Variants in ZAN observed in about 807,000 individuals in gnomAD.
The protein encoded by ZAN is zonadhesin (gene/pseudogene).
ZAN carries 260 observed loss-of-function variants against 286.2 expected under a neutral mutation model. That is an observed-to-expected ratio of 0.91 (90% CI 0.82 to 1.01). The LOEUF is 1.01. Among genes scored for constraint, ZAN ranks in the 50% least tolerant of loss-of-function variants. The pLI, the probability that ZAN is intolerant of heterozygous loss-of-function variation, is 0.00. For synonymous variants in ZAN, 1,368 were observed against 1,417.5 expected (o/e 0.97, Z 0.79); for missense variants, 3,410 against 3,639.2 (o/e 0.94, Z 1.62).
intron 35 of ZAN, among the ~76,000 whole-genome samples, chr7:100,781,954 A>C (rs951424173): frequency 3.3e-5 from 5 of 152,158 alleles, no homozygotes; most frequent in African/African-American, 1.2e-4. Context: ...AAAAATAACA[A>C]GACTTAATTT....
chr7:100,795,742 T>C (rs1347671536), intron 45 of ZAN, among the ~76,000 whole-genome samples: 1 of 151,470 alleles, frequency 6.6e-6, no homozygotes, highest in African/African-American at 2.4e-5. Flanking sequence ...CCGTCTCTAC[T>C]AAAAATACAA....
Position 100,793,813 on chromosome 7 carries a change from C to G in ZAN, c.7788-7C>G. ...CAGCCAGTTTCTGACCATGACTGTC[C>G]CCGCAGCCATGGAGTGTCCAGCAGG... On this transcript the variant is annotated splice_polypyrimidine_tract_variant and splice_region_variant and intron_variant, in intron 42 of 47. Coordinates refer to ENST00000613979, the MANE Select transcript of ZAN (RefSeq NM_003386.3). 1 of 1,574,612 alleles carries G rather than the reference C, an allele frequency of 6.4e-7. No homozygotes were observed. Among genetic ancestry groups the G allele is most frequent in the East Asian group, 2.2e-5 (1 of 44,448 alleles).
In ZAN at chr7:100,763,832, C is replaced by T; in HGVS notation, c.4013C>T (p.Ser1338Phe). The T allele has an allele frequency of 6.2e-7, 1 of 1,614,018 alleles. No homozygotes were observed. Among genetic ancestry groups the T allele is most frequent in the Non-Finnish European group, 8.5e-7 (1 of 1,179,888 alleles). Residue 1338 changes from serine (S) to phenylalanine (F), a missense_variant, in exon 21 of 48, where the codon TCC becomes TTC. Ser to Phe is a radical substitution (Grantham distance 155). Coordinates refer to ENST00000613979, the MANE Select transcript of ZAN (RefSeq NM_003386.3). The surrounding 1 kb of genome is among the most constrained non-coding windows in gnomAD (Gnocchi z 4.6). ...TGTCAGAAGTACCAGGTGGTGAATT[C>T]CCCGTCTTGTGATTCATCTCTGCAG... ...QECQKYQVVNSPSCDSSLQSS... is the reference protein window; with the variant it reads ...QECQKYQVVNFPSCDSSLQSS...
At position 100,795,720 on chromosome 7, in the gene ZAN, C is replaced by T. The variant is rs112683713; in HGVS notation, c.8266+384C>T. 9.1e-3 allele frequency among the ~76,000 whole-genome samples: 1,377 copies of T among 151,730 alleles called. 22 individuals carry two copies. Among genetic ancestry groups the T allele is most frequent in the African/African-American group, 0.03 (1,238 of 41,382 alleles). The stretch of plus-strand genomic sequence containing the variant: ...AGGAGATGGAGACCATTCTGGCTAA[C>T]GAAGTGAAACCCCGTCTCTACTAAA... On this transcript the variant is annotated intron_variant, in intron 45 of 47. Transcript: ENST00000613979.
In ZAN at chr7:100,795,212, G is replaced by A; in HGVS notation, c.8142G>A (p.Gln2714=). 6.2e-7 allele frequency: 1 copy of A among 1,610,130 alleles called. No individual in the cohort carries two copies. The highest frequency in any genetic ancestry group is 1.7e-5 in the Admixed American group (1 of 59,642). Residue 2714 remains glutamine, a synonymous_variant, in exon 45 of 48, where the codon CAG becomes CAA. Transcript: ENST00000613979. ...QGCFPESPCL[Q]NPCQNDGQCR... ...TCCTTGCAGAAAGCCCGTGTCTGCA[G>A]AACCCCTGTCAGAATGACGGGCAGT...
chr7:100,785,689 C>T (rs1243167788), intron 36 of ZAN, among the ~76,000 whole-genome samples: 4 of 150,394 alleles, frequency 2.7e-5, no homozygotes, highest in Non-Finnish European at 5.9e-5. Flanking sequence ...GACAGAGTCT[C>T]GCTCTGTTGC....
At position 100,790,939 on chromosome 7, in the gene ZAN, C is replaced by A. The variant is rs764423331; in HGVS notation, c.7358-3C>A. The A allele has an allele frequency of 6.2e-7, 1 of 1,608,074 alleles. No homozygotes were observed. Among genetic ancestry groups the A allele is most frequent in the Non-Finnish European group, 8.5e-7 (1 of 1,177,458 alleles). On this transcript the variant is annotated splice_region_variant and splice_polypyrimidine_tract_variant and intron_variant, in intron 39 of 47. Transcript: ENST00000613979. ...ACTTCTGGGGACCCCCTTCCTCCCG[C>A]AGTGATCTCCCTACCCAGCATGTAC...
rs1374537805 is a variant in ZAN at position 100,775,804 on chromosome 7, A to T, written c.6163A>T (p.Ile2055Phe). The T allele has an allele frequency of 1.2e-6, 2 of 1,613,686 alleles. No individual in the cohort carries two copies. The highest frequency in any genetic ancestry group is 2.7e-5 in the African/African-American group (2 of 74,900). Residue 2055 changes from isoleucine to phenylalanine, a missense_variant, in exon 33 of 48, where the codon ATT (isoleucine) becomes TTT (phenylalanine). Transcript: ENST00000613979. Reference sequence around the variant, plus strand: ...GTTTGACGGGAATCATCTCTTAGAGATTGAAATCCCCACAACCTACTATGG... The same window carrying T: ...GTTTGACGGGAATCATCTCTTAGAGTTTGAAATCCCCACAACCTACTATGG... Reference protein sequence around the residue: ...VKFDGNHLLEIEIPTTYYGKV... With the variant: ...VKFDGNHLLEFEIPTTYYGKV...
chr7:100,785,404 A>T (rs969437033), intron 36 of ZAN, among the ~76,000 whole-genome samples: 1 of 149,938 alleles, frequency 6.7e-6, no homozygotes, highest in African/African-American at 2.5e-5. Context: ...CTAATTTTTG[A>T]ATTTTTAGTA....
rs372448229 is a variant in ZAN at position 100,775,647 on chromosome 7, C to A, written c.6028-22C>A. Reference sequence around the variant, plus strand: ...GGACTCTTGTCCCTGCTCCTACTCACCGTCACTGTCCTCCTGTTTAGATCA... The same window carrying A: ...GGACTCTTGTCCCTGCTCCTACTCAACGTCACTGTCCTCCTGTTTAGATCA... On this transcript the variant is annotated intron_variant, in intron 32 of 47. Coordinates refer to ENST00000613979, the MANE Select transcript of ZAN (RefSeq NM_003386.3). 6.3e-5 allele frequency: 101 copies of A among 1,613,016 alleles called. No individual in the cohort carries two copies. In the African/African-American group the frequency reaches 1.2e-3, roughly 19 times the overall value.
At position 100,767,886 on chromosome 7, in the gene ZAN, TA is replaced by T. The variant is rs764242691; in HGVS notation, c.4918del (p.Arg1640GlyfsTer27). On this transcript the variant is annotated frameshift_variant, in exon 26 of 48. Transcript: ENST00000613979. LOFTEE classifies it high-confidence loss of function. ...PVWLAQGRVTIRLSSNLVLLY... is the reference protein window; with the variant it reads ...PVWLAQGRVTXRLSSNLVLLY... ...TGGCTTGCACAAGGCCGGGTGACCA[TA>T]AGGCTCAGCAGCAACCTCGTCCTCC... 3.1e-6 allele frequency: 5 copies of T among 1,613,826 alleles called. No individual in the cohort carries two copies. In the African/African-American group the frequency reaches 6.7e-5, roughly 22 times the overall value.
chr7:100,736,941 G>T lies in ZAN; in HGVS notation c.386G>T (p.Gly129Val). 6.7e-7 allele frequency: 1 copy of T among 1,502,142 alleles called. No homozygotes were observed. Among genetic ancestry groups the T allele is most frequent in the South Asian group, 1.2e-5 (1 of 86,174 alleles). The allele number at this position is 1,502,142 out of a possible 1,614,324, so 93.1% of individuals were successfully genotyped here. ...CACCACATGTTCGGGCTGTCTTGGG[G>T]CGCCCAGCTCAGGCTGCTGCTGCTC... The part of the protein sequence containing the change: ...FAHHMFGLSW[G>V]AQLRLLLLSG... Residue 129 changes from glycine (G) to valine (V), a missense_variant, in exon 5 of 48, where the codon GGC (glycine) becomes GTC (valine). This residue lies in a region of ZAN where 872 missense variants were observed against 938.9 expected (regional missense o/e 0.93). Coordinates refer to ENST00000613979, the MANE Select transcript of ZAN (RefSeq NM_003386.3).
intron 17 of ZAN, 116 bp from the exon 18 acceptor site, chr7:100,759,604 TG>T: frequency 7.4e-7 from 1 of 1,345,588 alleles, no homozygotes; most frequent in Non-Finnish European, 9.8e-7. Context: ...TACTGGACTT[TG>T]GGGCTGGTGT....
chr7:100,758,727 G>A (rs554156814), intron 17 of ZAN, 77 bp downstream of exon 17: 20 of 1,519,764 alleles, frequency 1.3e-5, no homozygotes, highest in Non-Finnish European at 1.8e-5. Flanking sequence ...CATGGTGGGT[G>A]GCAGGAAGGG....
At chr7:100,768,534 C>A in intron 26 of ZAN, 76 bp from the exon 27 acceptor site, 2 of 1,223,792 alleles carry the variant, frequency 1.6e-6, no homozygotes, top group Non-Finnish European at 2.3e-6. Flanking sequence ...AGTGAGGGTG[C>A]CAGGAGGATG....
rs1281499812 is a variant in ZAN at position 100,752,456 on chromosome 7, C to A, written c.2351C>A (p.Thr784Lys). ...TIPTEKPTIP[T>K]EKPTIPTEKP... Reference sequence around the variant, plus strand: ...CCCACAGAAAAACCCACCATCCCCACAGAAAAACCCACCATTCCCACAGAA... The same window carrying A: ...CCCACAGAAAAACCCACCATCCCCAAAGAAAAACCCACCATTCCCACAGAA... Residue 784 changes from threonine (T) to lysine (K), a missense_variant, in exon 14 of 48, where the codon ACA becomes AAA. Transcript: ENST00000613979. 1.3e-6 allele frequency: 2 copies of A among 1,596,382 alleles called. No homozygotes were observed.
chr7:100,738,002 GC>G lies in ZAN; in HGVS notation c.614-458del, dbSNP rs1264995151. Among the ~76,000 whole-genome samples the G allele has an allele frequency of 1.4e-5, 2 of 139,858 alleles. 1 individual carries two copies. The highest frequency in any genetic ancestry group is 5.2e-5 in the African/African-American group (2 of 38,270). 91.8% of individuals were successfully genotyped at this position (139,858 alleles called of 152,430 possible). A position where few individuals can be genotyped will look rare whatever the true frequency, so the allele number is the denominator to read the frequency against. ...ACGGAATTTCACTCTTGTCACCCAG[GC>G]TGGAGTGTAGTGGCACGATCTCGGC... On this transcript the variant is annotated intron_variant, in intron 6 of 47. Transcript: ENST00000613979.
At chr7:100,764,760 C>T (rs754247376) in intron 22 of ZAN, among the ~76,000 whole-genome samples, 90 of 151,604 alleles carry the variant, frequency 5.9e-4, no homozygotes, top group Non-Finnish European at 1.1e-3. Context: ...CGCCTGTAAT[C>T]CCAGCTACTT....
rs1483800812 is a variant in ZAN, at chr7:100,773,400, C to T, written c.5541C>T (p.Ser1847=). Residue 1847 remains serine, a synonymous_variant, in exon 30 of 48, where the codon AGC becomes AGT. Coordinates refer to ENST00000613979, the MANE Select transcript of ZAN (RefSeq NM_003386.3). ...CCAAAGCACTGCCCTGTGCTGAGAG[C>T]TGTGAATGTCAGAAAGGCCACATCT... is the stretch of plus-strand genomic sequence containing the variant. ...DCPKALPCAE[S]CECQKGHILS... The T allele has an allele frequency of 3.1e-6, 5 of 1,614,018 alleles. No individual in the cohort carries two copies. Among genetic ancestry groups the T allele is most frequent in the Non-Finnish European group, 4.2e-6 (5 of 1,179,892 alleles).
Sources: gnomAD v4.1 joint callset for allele counts (sites outside exome capture counted in the v4.1 genomes callset) on GRCh38, gnomAD v4.1.1 for gene constraint, gnomAD v4.1.1 regional missense constraint, Gnocchi (gnomAD v3.1) non-coding constraint, MANE v1.5 for transcripts, NCBI Gene and HGNC (gene_info 2026-07-23, HGNC 2026-07-21) for gene names.